LDAH: variants seen among roughly 807,000 people sequenced by gnomAD.
LDAH encodes lipid droplet associated hydrolase, also known as lipid droplet-associated hydrolase.
LDAH carries 26 observed loss-of-function variants against 29.6 expected under a neutral mutation model. That is an observed-to-expected ratio of 0.88 (90% CI 0.64 to 1.22). The LOEUF (loss-of-function observed/expected upper bound fraction) is 1.22. LDAH is among the 50% of genes most tolerant of loss of function. LDAH has a pLI of 0.00. For synonymous variants in LDAH, 117 were observed against 133.0 expected (o/e 0.88, Z 0.83); for missense variants, 344 against 387.3 (o/e 0.89, Z 0.94).
intron 1 of LDAH, among the ~76,000 whole-genome samples, chr2:20,822,386 G>A (rs1034328010): frequency 3.9e-5 from 6 of 151,954 alleles, no homozygotes; most frequent in Admixed American, 3.9e-4. Flanking sequence ...CTCCTGATCC[G>A]CCCGCCTCGG....
intron 4 of LDAH, among the ~76,000 whole-genome samples, chr2:20,752,060 T>C (rs780460086): frequency 1.3e-5 from 2 of 152,026 alleles, no homozygotes; most frequent in African/African-American, 2.4e-5. Context: ...CCAGGCTAAT[T>C]TTTGTATTTT....
In LDAH at chr2:20,774,860, T is replaced by C. The variant is rs763001302; in HGVS notation, c.418A>G (p.Ile140Val). 19 of 1,613,540 alleles carry C rather than the reference T, an allele frequency of 1.2e-5. 1 individual carries two copies. The highest frequency in any genetic ancestry group is 1.7e-5 in the Admixed American group (1 of 60,020). Residue 140 changes from isoleucine to valine, a missense_variant, in exon 4 of 7, where the codon ATA becomes GTA. Coordinates refer to ENST00000237822, the MANE Select transcript of LDAH (RefSeq NM_021925.4). ...ATCTGAAGTGTGAAATAGCTGCCTA[T>C]TGAATGGCCAATGAGCACAAGTTTC... ...DMKLVLIGHS[I>V]GSYFTLQMLK...
chr2:20,749,686 G>C (rs1352046654), intron 4 of LDAH, among the ~76,000 whole-genome samples: 2 of 152,150 alleles, frequency 1.3e-5, no homozygotes, highest in Admixed American at 6.5e-5. Flanking sequence ...CCATCAGTTA[G>C]GGCAGCTAAG....
intron 5 of LDAH, among the ~76,000 whole-genome samples, chr2:20,706,908 A>T (rs866747893): frequency 4.5e-4 from 68 of 152,310 alleles, no homozygotes; most frequent in Middle Eastern, 3.4e-3. Context: ...CCCTCAGTTG[A>T]TAAGTGCATT....
At chr2:20,798,515 G>A (rs566048329) in intron 2 of LDAH, among the ~76,000 whole-genome samples, 2 of 151,160 alleles carry the variant, frequency 1.3e-5, no homozygotes, top group African/African-American at 4.8e-5. Flanking sequence ...AAATATATAA[G>A]AAAGGAAATG....
chr2:20,691,196 GAGAC>G (rs1163283429), intron 6 of LDAH, among the ~76,000 whole-genome samples: 4 of 152,072 alleles, frequency 2.6e-5, no homozygotes, highest in African/African-American at 9.7e-5. Flanking sequence ...TTTTTATTCT[GAGAC>G]AGTCTTACTC....
intron 5 of LDAH, among the ~76,000 whole-genome samples, chr2:20,715,472 A>G (rs1294984878): frequency 1.3e-5 from 2 of 152,226 alleles, no homozygotes; most frequent in South Asian, 2.1e-4. Context: ...AACCGGCACA[A>G]GACAGGGATG....
intron 2 of LDAH, among the ~76,000 whole-genome samples, chr2:20,796,493 G>T (rs1671315628): frequency 6.6e-6 from 1 of 152,110 alleles, no homozygotes; most frequent in Admixed American, 6.6e-5. Flanking sequence ...TTAAATGACA[G>T]TTTCACTTGT....
At chr2:20,787,376 C>T (rs1670630709) in intron 3 of LDAH, among the ~76,000 whole-genome samples, 1 of 152,194 alleles carries the variant, frequency 6.6e-6, no homozygotes, top group Admixed American at 6.5e-5. Flanking sequence ...TCACTGCAAC[C>T]TCTGCCTCCA....
chr2:20,725,744 A>T (rs1665970387), intron 5 of LDAH, among the ~76,000 whole-genome samples: 1 of 152,194 alleles, frequency 6.6e-6, no homozygotes, highest in Non-Finnish European at 1.5e-5. Context: ...TAGGGAGGAC[A>T]TTCTCTTTTT....
intron 5 of LDAH, among the ~76,000 whole-genome samples, chr2:20,738,566 C>G (rs1572515325): frequency 1.3e-5 from 2 of 152,178 alleles, no homozygotes; most frequent in South Asian, 2.1e-4. Flanking sequence ...GATCGGGACC[C>G]CTTTCCTTAA....
chr2:20,757,698 G>A (rs552213203), intron 4 of LDAH, among the ~76,000 whole-genome samples: 2 of 152,308 alleles, frequency 1.3e-5, no homozygotes, highest in East Asian at 3.9e-4. Context: ...CCTAATGTGA[G>A]TGAGCCTCAT....
intron 3 of LDAH, among the ~76,000 whole-genome samples, chr2:20,789,543 C>T (rs1670799104): frequency 1.3e-5 from 2 of 152,310 alleles, no homozygotes; most frequent in South Asian, 4.1e-4. Context: ...TGTGTTTTCT[C>T]CTTTGTTTAC....
chr2:20,745,629 A>G (rs958132333), intron 4 of LDAH, among the ~76,000 whole-genome samples: 10 of 152,170 alleles, frequency 6.6e-5, no homozygotes, highest in Admixed American at 3.9e-4. Flanking sequence ...TATTGTACCA[A>G]TCTATATACT....
chr2:20,763,001 A>G (rs1023568093), intron 4 of LDAH, among the ~76,000 whole-genome samples: 1 of 152,370 alleles, frequency 6.6e-6, no homozygotes, highest in African/African-American at 2.4e-5. Context: ...ACTTCCACTG[A>G]CACATCTGAT....
intron 5 of LDAH, among the ~76,000 whole-genome samples, chr2:20,721,919 A>G (rs1191149630): frequency 6.6e-6 from 1 of 152,264 alleles, no homozygotes; most frequent in Non-Finnish European, 1.5e-5. Context: ...ATGGATAAAG[A>G]AAATGTGGTA....
chr2:20,765,169 C>T (rs895632603), intron 4 of LDAH, among the ~76,000 whole-genome samples: 1 of 152,170 alleles, frequency 6.6e-6, no homozygotes, highest in Non-Finnish European at 1.5e-5. Flanking sequence ...GGAAGGAAAC[C>T]TGTTCCAACA....
At chr2:20,720,839 C>T (rs1558410618) in intron 5 of LDAH, among the ~76,000 whole-genome samples, 1 of 152,098 alleles carries the variant, frequency 6.6e-6, no homozygotes, top group Non-Finnish European at 1.5e-5. Flanking sequence ...AGTATACTTA[C>T]AGCCAACTTG....
intron 4 of LDAH, among the ~76,000 whole-genome samples, chr2:20,767,848 T>C (rs1466544545): frequency 2.6e-5 from 4 of 152,154 alleles, no homozygotes; most frequent in Non-Finnish European, 4.4e-5. Context: ...TGGGATGACC[T>C]GCTGCAGAAA....
Sources: gnomAD v4.1 joint callset for allele counts (sites outside exome capture counted in the v4.1 genomes callset) on GRCh38, gnomAD v4.1.1 for gene constraint, MANE v1.5 for transcripts, NCBI Gene and HGNC (gene_info 2026-07-23, HGNC 2026-07-21) for gene names.